Variants in MAP1LC3A observed in about 807,000 individuals in gnomAD.
MAP1LC3A encodes microtubule associated protein 1 light chain 3 alpha, also known as microtubule-associated protein 1 light chain 3 alpha.
MAP1LC3A carries 10 observed loss-of-function variants against 15.2 expected under a neutral mutation model. The ratio of observed to expected loss-of-function variants is 0.66; its 90% confidence interval spans 0.41 to 1.12. The LOEUF (loss-of-function observed/expected upper bound fraction) is 1.12. Among genes scored for constraint, MAP1LC3A ranks in the 50% most tolerant of loss-of-function variants. MAP1LC3A has a pLI of 0.00. For missense variants in MAP1LC3A, 138 were observed against 167.3 expected (o/e 0.82, Z 0.97); for synonymous variants, 63 against 64.3 (o/e 0.98, Z 0.10).
chr20:34,553,548 C>T (rs1172148186), intron 2 of MAP1LC3A, among the ~76,000 whole-genome samples: 3 of 152,224 alleles, frequency 2.0e-5, no homozygotes, highest in Admixed American at 2.0e-4. Context: ...TGGCTGCTCT[C>T]AGTGGGCCTG....
At chr20:34,554,628 G>A (rs868138816), upstream of MAP1LC3A, among the ~76,000 whole-genome samples, 1 of 149,078 alleles carries the variant, frequency 6.7e-6, no homozygotes, top group Non-Finnish European at 1.5e-5. Context: ...TGCCTTGGCC[G>A]CCCAAAGTGC....
At chr20:34,551,642 T>C (rs752694671) in intron 2 of MAP1LC3A, among the ~76,000 whole-genome samples, 1 of 152,050 alleles carries the variant, frequency 6.6e-6, no homozygotes, top group African/African-American at 2.4e-5. Flanking sequence ...ATTTTTTCTA[T>C]CTTTAGTAGA....
At chr20:34,553,018 G>A (rs959504731) in intron 2 of MAP1LC3A, among the ~76,000 whole-genome samples, 21 of 152,138 alleles carry the variant, frequency 1.4e-4, no homozygotes, top group East Asian at 3.9e-4. Flanking sequence ...GTGAAACCCC[G>A]TCTCTACCAA....
upstream of MAP1LC3A, among the ~76,000 whole-genome samples, chr20:34,554,354 GTTTTTTTTTTTTTTTTTTT>G (rs537779341): frequency 2.8e-3 from 293 of 106,158 alleles, 1 homozygote; most frequent in African/African-American, 0.011. Context: ...TATACGTTGG[GTTTTTTTTTTTTTTTTTTT>G]TTTTTTTTTT....
chr20:34,559,529 TG>T, intron 3 of MAP1LC3A, 76 bp downstream of exon 3: 1 of 1,392,506 alleles, frequency 7.2e-7, no homozygotes. Flanking sequence ...GGGGTGGGAG[TG>T]GGGTCAGGGG....
At chr20:34,555,144 CTTAT>C (rs1982106185), upstream of MAP1LC3A, among the ~76,000 whole-genome samples, 2 of 141,562 alleles carry the variant, frequency 1.4e-5, no homozygotes, top group South Asian at 2.2e-4. Flanking sequence ...AGCGAATTTT[CTTAT>C]TTTTTTTTTT....
At position 34,558,765 on chromosome 20, in the gene MAP1LC3A, C is replaced by G; in HGVS notation, c.-104C>G. On this transcript the variant is annotated 5_prime_UTR_variant, in exon 1 of 4. Transcript: ENST00000360668. This position sits in a 1 kb window ranked among gnomAD's most constrained non-coding sequence, Gnocchi z 4.3. ...GCAGCCGCCGTGCTCAGCGCGAGCC[C>G]CGGAGCCCTTGAGCGCGAGGCGCGG... The G allele has an allele frequency of 7.5e-7, 1 of 1,341,546 alleles. No homozygotes were observed. Among genetic ancestry groups the G allele is most frequent in the Non-Finnish European group, 9.5e-7 (1 of 1,054,826 alleles). The allele number at this position is 1,341,546 out of a possible 1,614,324, so 83.1% of individuals were successfully genotyped here. A position where few individuals can be genotyped will look rare whatever the true frequency, so the allele number is the denominator to read the frequency against.
intron 2 of MAP1LC3A, 30 bp downstream of exon 2, chr20:34,559,293 C>A (rs745567222): frequency 1.3e-6 from 2 of 1,581,006 alleles, no homozygotes; most frequent in African/African-American, 1.4e-5. Flanking sequence ...CCCTGCCCCG[C>A]CCCCGCCTCG....
At chr20:34,549,673 G>A (rs186252504) in intron 1 of MAP1LC3A, among the ~76,000 whole-genome samples, 14 of 152,292 alleles carry the variant, frequency 9.2e-5, no homozygotes, top group Non-Finnish European at 1.8e-4. Flanking sequence ...TTCAGGGGGC[G>A]GGTTATTCAG....
At position 34,559,355 on chromosome 20, in the gene MAP1LC3A, C is replaced by A; in HGVS notation, c.105C>A (p.Ile35=). 7.0e-7 allele frequency: 1 copy of A among 1,425,074 alleles called. No homozygotes were observed. The highest frequency in any genetic ancestry group is 9.6e-7 in the Non-Finnish European group (1 of 1,042,088). The allele number at this position is 1,425,074 out of a possible 1,614,324, so 88.3% of individuals were successfully genotyped here. The part of the protein sequence containing the change: ...DQHPSKIPVI[I]ERYKGEKQLP... The stretch of plus-strand genomic sequence containing the variant: ...GCCCGCCCTGCTCCCAGGTGATCAT[C>A]GAGCGCTACAAGGGTGAGAAGCAGC... The change falls in exon 3 of 4, where the codon ATC becomes ATA. Residue 35 remains isoleucine (I), a synonymous_variant. Coordinates refer to ENST00000360668, the MANE Select transcript of MAP1LC3A (RefSeq NM_032514.4).
At chr20:34,557,386 A>G (rs961956841), upstream of MAP1LC3A, among the ~76,000 whole-genome samples, 5 of 152,348 alleles carry the variant, frequency 3.3e-5, no homozygotes, top group African/African-American at 1.2e-4. Context: ...TCTGAAATAC[A>G]CACCTGACTT....
At chr20:34,554,025 T>C (rs1258758687), upstream of MAP1LC3A, among the ~76,000 whole-genome samples, 2 of 152,206 alleles carry the variant, frequency 1.3e-5, no homozygotes, top group African/African-American at 2.4e-5. Flanking sequence ...TTTGGGTCAA[T>C]TTTGCCAAAT....
In MAP1LC3A at chr20:34,559,722, C is replaced by T; in HGVS notation, c.204-14C>T. ...CAAGCCCCTCACAGCTGCATACTCT[C>T]CCGCCGGCTGCAGGCGCCGCCTGCA... On this transcript the variant is annotated splice_polypyrimidine_tract_variant and intron_variant, in intron 3 of 3. Transcript: ENST00000360668. The T allele has an allele frequency of 6.3e-7, 1 of 1,595,124 alleles. No individual in the cohort carries two copies. Among genetic ancestry groups the T allele is most frequent in the African/African-American group, 1.4e-5 (1 of 73,862 alleles).
chr20:34,552,403 A>G (rs767610625), intron 2 of MAP1LC3A, among the ~76,000 whole-genome samples: 18 of 152,258 alleles, frequency 1.2e-4, no homozygotes, highest in Non-Finnish European at 2.4e-4. Flanking sequence ...GAAAAATTAT[A>G]CAGCATATTG....
At chr20:34,558,443 G>A, upstream of MAP1LC3A, 2 of 998,672 alleles carry the variant, frequency 2.0e-6, no homozygotes, top group African/African-American at 1.7e-5. This position sits in a 1 kb window ranked among gnomAD's most constrained non-coding sequence, Gnocchi z 4.3. Context: ...TGGTGCCGTG[G>A]GGCTGCAGCC....
At chr20:34,556,683 G>T (rs534590103), upstream of MAP1LC3A, among the ~76,000 whole-genome samples, 1 of 151,270 alleles carries the variant, frequency 6.6e-6, no homozygotes, top group South Asian at 2.1e-4. Flanking sequence ...TGCAACCTCC[G>T]CCTAGCAGGT....
chr20:34,558,535 C>G, upstream of MAP1LC3A: 2 of 1,115,878 alleles, frequency 1.8e-6, no homozygotes, highest in Non-Finnish European at 2.2e-6. This position sits in a 1 kb window ranked among gnomAD's most constrained non-coding sequence, Gnocchi z 4.3. Flanking sequence ...GAGAAGCTCC[C>G]GCGCTGCCCA....
upstream of MAP1LC3A, among the ~76,000 whole-genome samples, chr20:34,555,780 G>A (rs891454869): frequency 1.3e-5 from 2 of 151,040 alleles, no homozygotes; most frequent in African/African-American, 4.9e-5. Context: ...GCCCCCCAAA[G>A]TGCTGGGATT....
chr20:34,553,144 G>A (rs1982010167), intron 2 of MAP1LC3A, among the ~76,000 whole-genome samples: 1 of 152,126 alleles, frequency 6.6e-6, no homozygotes, highest in Admixed American at 6.5e-5. Flanking sequence ...CGCCAATATT[G>A]TGCCGTTGCA....
Sources: gnomAD v4.1 joint callset for allele counts (sites outside exome capture counted in the v4.1 genomes callset) on GRCh38, gnomAD v4.1.1 for gene constraint, Gnocchi (gnomAD v3.1) non-coding constraint, MANE v1.5 for transcripts, NCBI Gene and HGNC (gene_info 2026-07-23, HGNC 2026-07-21) for gene names.